LTBP3: variants seen among roughly 807,000 people sequenced by gnomAD.
LTBP3 encodes latent-transforming growth factor beta-binding protein 3.
Under a neutral mutation model 159.7 loss-of-function variants are expected in LTBP3, and 97 were observed. That is an observed-to-expected ratio of 0.61 (90% CI 0.52 to 0.72). LTBP3 has a LOEUF of 0.72. LTBP3 is among the 30% of genes least tolerant of loss of function. LTBP3 has a pLI of 0.00. For missense variants in LTBP3, 1,584 were observed against 1,864.3 expected, an observed-to-expected ratio of 0.85 and a Z score of 2.77; for synonymous variants, 824 against 777.1, an observed-to-expected ratio of 1.06 and a Z score of -1.00.
At chr11:65,551,680 C>T (rs1309390447) in intron 8 of LTBP3, 116 bp from the exon 9 acceptor site, 2 of 1,334,572 alleles carry the variant, frequency 1.5e-6, no homozygotes, top group East Asian at 2.3e-5. Flanking sequence ...AATCATGTCT[C>T]CAGGTCAAGG....
At chr11:65,557,491 C>T (rs905410572) in intron 1 of LTBP3, 138 bp downstream of exon 1, 88 of 1,176,504 alleles carry the variant, frequency 7.5e-5, no homozygotes, top group Non-Finnish European at 1.0e-4. Flanking sequence ...TTCCCTGAGG[C>T]CCCTGGTCCC....
chr11:65,553,583 C>T lies in LTBP3; in HGVS notation c.865-53G>A, dbSNP rs929807633. On this transcript the variant is annotated intron_variant, in intron 3 of 27. Coordinates refer to ENST00000301873, the MANE Select transcript of LTBP3 (RefSeq NM_001130144.3). The surrounding 1 kb of genome is among the most constrained non-coding windows in gnomAD (Gnocchi z 6.5). ...ACAGAGCACCCCGCCCCGGTGCCGC[C>T]TGTTAGGGTTGGGCCTTTTCCTCTT... 1.4e-4 allele frequency: 216 copies of T among 1,505,812 alleles called. No individual in the cohort carries two copies. The highest frequency in any genetic ancestry group is 1.9e-4 in the Non-Finnish European group (208 of 1,094,226). 93.3% of individuals were successfully genotyped at this position (1,505,812 alleles called of 1,614,324 possible).
chr11:65,549,489 G>A, intron 11 of LTBP3, among the ~76,000 whole-genome samples: 1 of 149,798 alleles, frequency 6.7e-6, no homozygotes, highest in Non-Finnish European at 1.5e-5. Flanking sequence ...TTGGCTCACT[G>A]CAACCTCTAT....
chr11:65,554,513 C>T lies in LTBP3; in HGVS notation c.332-133G>A. 1 of 671,634 alleles carries T rather than the reference C, an allele frequency of 1.5e-6. No homozygotes were observed. The allele number at this position is 671,634 out of a possible 1,614,324, so 41.6% of individuals were successfully genotyped here. ...AGATACATCCTACATAGGGAAACTG[C>T]CCTCTCTAGGTTCCCCAACATCCTT... On this transcript the variant is annotated intron_variant, in intron 1 of 27. Transcript: ENST00000301873. The surrounding 1 kb of genome is among the most constrained non-coding windows in gnomAD (Gnocchi z 5.3).
At chr11:65,550,343 T>C (rs1381638950) in intron 11 of LTBP3, among the ~76,000 whole-genome samples, 1 of 146,472 alleles carries the variant, frequency 6.8e-6, no homozygotes, top group Non-Finnish European at 1.5e-5. Flanking sequence ...ACCCGGGAGG[T>C]GGAGCTTGCA....
chr11:65,540,927 C>T lies in LTBP3; in HGVS notation c.2921G>A (p.Gly974Glu). 1.2e-6 allele frequency: 2 copies of T among 1,613,668 alleles called. No individual in the cohort carries two copies. The highest frequency in any genetic ancestry group is 1.7e-6 in the Non-Finnish European group (2 of 1,179,844). ...GTTGTTGTCCTGGGTGTAGCCCTTT[C>T]CGTCTGGGCAGAGGCTGTGGAACTC... Reference protein sequence around the residue: ...SAEFHSLCPDGKGYTQDNNIV... With the variant: ...SAEFHSLCPDEKGYTQDNNIV... The change falls in exon 21 of 28, where the codon GGA becomes GAA. Residue 974 changes from glycine to glutamate, a missense_variant. Coordinates refer to ENST00000301873, the MANE Select transcript of LTBP3 (RefSeq NM_001130144.3).
In LTBP3 at chr11:65,552,613, C is replaced by T. The variant is rs1856651903; in HGVS notation, c.1187-207G>A. On this transcript the variant is annotated intron_variant, in intron 6 of 27. Transcript: ENST00000301873. The surrounding 1 kb of genome is among the most constrained non-coding windows in gnomAD (Gnocchi z 6.0). ...GACTCCCGATTCTAGCTATCCTGGA[C>T]TTCACCACTCCTACTCATCAAGCCT... Among the ~76,000 whole-genome samples the T allele has an allele frequency of 6.6e-6, 1 of 152,166 alleles. No individual in the cohort carries two copies. Among genetic ancestry groups the T allele is most frequent in the Non-Finnish European group, 1.5e-5 (1 of 68,030 alleles).
rs989307580 is a variant in LTBP3 at position 65,538,924 on chromosome 11, G to C, written c.*156C>G. 7.8e-7 allele frequency: 1 copy of C among 1,279,646 alleles called. No homozygotes were observed. Among genetic ancestry groups the C allele is most frequent in the Non-Finnish European group, 1.0e-6 (1 of 1,001,894 alleles). 79.3% of individuals were successfully genotyped at this position (1,279,646 alleles called of 1,614,324 possible). On this transcript the variant is annotated 3_prime_UTR_variant, in exon 28 of 28. Coordinates refer to ENST00000301873, the MANE Select transcript of LTBP3 (RefSeq NM_001130144.3). ...AACCGCCCGCTAACCGGGGAGGGGGGCCGGTAGGGGCGCCTCGGGTCTCAA... is the reference window on the plus strand; with the variant it reads ...AACCGCCCGCTAACCGGGGAGGGGGCCCGGTAGGGGCGCCTCGGGTCTCAA...
intron 23 of LTBP3, 26 bp from the exon 24 acceptor site, chr11:65,540,179 G>A (rs1426090901): frequency 1.3e-6 from 2 of 1,537,958 alleles, no homozygotes; most frequent in East Asian, 2.5e-5. Context: ...GGGTGGGTGG[G>A]GGCCGTCACA....
Position 65,540,592 on chromosome 11 carries a change from GAAC to G in LTBP3, c.2997_2999del (p.Leu999del). 1 of 1,612,878 alleles carries G rather than the reference GAAC, an allele frequency of 6.2e-7. No individual in the cohort carries two copies. Among genetic ancestry groups the G allele is most frequent in the Non-Finnish European group, 8.5e-7 (1 of 1,179,514 alleles). ...TGCCCTCCTTGCAAATCTCCGACCC[GAAC>G]AACATGCACTCGTCGATGTCTGCGG... On this transcript the variant is annotated inframe_deletion, in exon 22 of 28. Transcript: ENST00000301873.
chr11:65,547,931 C>T lies in LTBP3; in HGVS notation c.1835G>A (p.Arg612His), dbSNP rs1408051455. The change falls in exon 12 of 28, where the codon CGC (arginine) becomes CAC (histidine). Residue 612 changes from arginine to histidine, a missense_variant. Arg to His is a conservative substitution (Grantham distance 29). Transcript: ENST00000301873. This position sits in a 1 kb window ranked among gnomAD's most constrained non-coding sequence, Gnocchi z 4.6. Reference sequence around the variant, plus strand: ...TGCCCTGCGCTCACCCACGCAGTAGCGGTGCTGGGGATGTGACCGGTAGCC... The same window carrying T: ...TGCCCTGCGCTCACCCACGCAGTAGTGGTGCTGGGGATGTGACCGGTAGCC... ...NPGYRSHPQH[R>H]YCVDVNECEA... is the part of the protein sequence containing the mutation. 9 of 1,613,680 alleles carry T rather than the reference C, an allele frequency of 5.6e-6. No individual in the cohort carries two copies. The highest frequency in any genetic ancestry group is 7.6e-6 in the Non-Finnish European group (9 of 1,180,004).
intron 21 of LTBP3, 102 bp from the exon 22 acceptor site, chr11:65,540,716 C>CAGGAGGGGCGGGGCCTAA: frequency 1.3e-6 from 2 of 1,573,976 alleles, no homozygotes; most frequent in Non-Finnish European, 1.7e-6. Flanking sequence ...GCGGGGCCTA[C>CAGGAGGGGCGGGGCCTAA]AGGAGGGGCG....
At position 65,543,407 on chromosome 11, in the gene LTBP3, C is replaced by T. The variant is rs1856239796; in HGVS notation, c.2476+20G>A. ...GGGTAGGGAGGGACAGGTCAGCACCCCAGCTCTAAGATCCCTCACCCTCGC... is the reference window on the plus strand; with the variant it reads ...GGGTAGGGAGGGACAGGTCAGCACCTCAGCTCTAAGATCCCTCACCCTCGC... On this transcript the variant is annotated intron_variant, in intron 17 of 27. Transcript: ENST00000301873. 1 of 1,613,736 alleles carries T rather than the reference C, an allele frequency of 6.2e-7. No homozygotes were observed. The highest frequency in any genetic ancestry group is 1.1e-5 in the South Asian group (1 of 91,050).
chr11:65,546,714 G>A lies in LTBP3; in HGVS notation c.2230+84C>T, dbSNP rs991645995. The A allele has an allele frequency of 1.3e-6, 2 of 1,528,022 alleles. No individual in the cohort carries two copies. Among genetic ancestry groups the A allele is most frequent in the Non-Finnish European group, 1.8e-6 (2 of 1,137,554 alleles). 94.7% of individuals were successfully genotyped at this position (1,528,022 alleles called of 1,614,324 possible). On this transcript the variant is annotated intron_variant, in intron 15 of 27. Transcript: ENST00000301873. The surrounding 1 kb of genome is among the most constrained non-coding windows in gnomAD (Gnocchi z 4.0). ...CCGCCCCCAGACGCCAATCACCACC[G>A]CTACCCCGCCCCGCCCCCAGCGGAG...
Position 65,538,844 on chromosome 11 carries a change from T to TTTC in LTBP3, c.*233_*235dup. 1.2e-6 allele frequency: 1 copy of TTTC among 834,280 alleles called. No homozygotes were observed. The highest frequency in any genetic ancestry group is 1.7e-6 in the Non-Finnish European group (1 of 584,532). 51.7% of individuals were successfully genotyped at this position (834,280 alleles called of 1,614,324 possible). A position where few individuals can be genotyped will look rare whatever the true frequency, so the allele number is the denominator to read the frequency against. ...AAAGAGGCACGATCTGATTTATCAGTTTCTAGGAAACACCCTCTGGGAGGA... is the reference window on the plus strand; with the variant it reads ...AAAGAGGCACGATCTGATTTATCAGTTTCTTCTAGGAAACACCCTCTGGGAGGA... On this transcript the variant is annotated 3_prime_UTR_variant, in exon 28 of 28. Transcript: ENST00000301873.
At position 65,553,935 on chromosome 11, in the gene LTBP3, C is replaced by T; in HGVS notation, c.662-32G>A. ...GCGGGCGCGGTGGCCTCAGGGCTGC[C>T]CGCACCGCGCCGCGGGTCACCGCGC... is the stretch of plus-strand genomic sequence containing the variant. On this transcript the variant is annotated intron_variant, in intron 2 of 27. Transcript: ENST00000301873. The surrounding 1 kb of genome is among the most constrained non-coding windows in gnomAD (Gnocchi z 6.5). 1 of 1,512,022 alleles carries T rather than the reference C, an allele frequency of 6.6e-7. No individual in the cohort carries two copies. Among genetic ancestry groups the T allele is most frequent in the Non-Finnish European group, 8.9e-7 (1 of 1,125,476 alleles). The allele number at this position is 1,512,022 out of a possible 1,614,324, so 93.7% of individuals were successfully genotyped here.
rs1303744239 is a variant in LTBP3 at position 65,552,277 on chromosome 11, C to T, written c.1316G>A (p.Arg439Gln). The T allele has an allele frequency of 1.2e-5, 19 of 1,613,998 alleles. No homozygotes were observed. In the Admixed American group the frequency reaches 1.8e-4, roughly 16 times the overall value. Residue 439 changes from arginine (R) to glutamine (Q), a missense_variant, in exon 7 of 28, where the codon CGG becomes CAG. Coordinates refer to ENST00000301873, the MANE Select transcript of LTBP3 (RefSeq NM_001130144.3). This position sits in a 1 kb window ranked among gnomAD's most constrained non-coding sequence, Gnocchi z 6.0. ...CCSVGKAWGA[R>Q]CQRCPTDGTA... ...GCCATCTGTTGGGCAGCGCTGACAC[C>T]GCGCGCCCCAGGCCTTGCCGACACT...
At position 65,550,621 on chromosome 11, in the gene LTBP3, C is replaced by T. The variant is rs1290931144; in HGVS notation, c.1720+505G>A. ...CGGGCGCATCACGAGGTCAAGAGAT[C>T]GAGACCACCCTGGCCAACATGGTGA... On this transcript the variant is annotated intron_variant, in intron 11 of 27. Coordinates refer to ENST00000301873, the MANE Select transcript of LTBP3 (RefSeq NM_001130144.3). Among the ~76,000 whole-genome samples, 3 of 149,918 alleles carry T rather than the reference C, an allele frequency of 2.0e-5. No individual in the cohort carries two copies. In the East Asian group the frequency reaches 6.0e-4, roughly 30 times the overall value.
chr11:65,540,729 G>T, intron 21 of LTBP3, 115 bp from the exon 22 acceptor site: 1 of 1,520,662 alleles, frequency 6.6e-7, no homozygotes, highest in Non-Finnish European at 9.0e-7. Flanking sequence ...GAGGGGCGGG[G>T]CCTACAGGGC....
Sources: gnomAD v4.1 joint callset for allele counts (sites outside exome capture counted in the v4.1 genomes callset) on GRCh38, gnomAD v4.1.1 for gene constraint, Gnocchi (gnomAD v3.1) non-coding constraint, MANE v1.5 for transcripts, NCBI Gene and HGNC (gene_info 2026-07-23, HGNC 2026-07-21) for gene names.